The following CRPPA variants were observed in gnomAD, a reference collection of about 807,000 sequenced individuals.
CRPPA encodes the protein CDP-L-ribitol pyrophosphorylase A.
CRPPA carries 43 observed loss-of-function variants against 52.0 expected under a neutral mutation model. That is an observed-to-expected ratio of 0.83 (90% confidence interval 0.65 to 1.07). The LOEUF (loss-of-function observed/expected upper bound fraction) is 1.07. Ranked by LOEUF, CRPPA falls within the 50% of genes least tolerant of loss-of-function variation. The pLI is 0.00. For missense variants in CRPPA, 629 were observed against 551.7 expected, an observed-to-expected ratio of 1.14 and a Z score of -1.40; for synonymous variants, 250 against 203.5, an observed-to-expected ratio of 1.23 and a Z score of -1.94.
chr7:16,399,172 G>T (rs560040923), intron 2 of CRPPA, among the ~76,000 whole-genome samples: 1 of 152,358 alleles, frequency 6.6e-6, no homozygotes, highest in Admixed American at 6.5e-5. Flanking sequence ...ATGAACACGT[G>T]ACATGACACG....
In CRPPA at chr7:16,092,705, T is replaced by TCAC. The variant is rs1781860408; in HGVS notation, c.1252-907_1252-906insGTG. Among the ~76,000 whole-genome samples the TCAC allele has an allele frequency of 2.0e-5, 3 of 152,188 alleles. No individual in the cohort carries two copies. In the South Asian group the frequency reaches 6.2e-4, roughly 31 times the overall value. The stretch of plus-strand genomic sequence containing the variant: ...GGAAGTCAAAATACTTATTTTAAAA[T>TCAC]ATAGATCTGATCACATCAGTATCCT... On this transcript the variant is annotated intron_variant, in intron 9 of 9. Transcript: ENST00000407010.
chr7:16,306,737 G>T (rs1784921575), intron 4 of CRPPA, among the ~76,000 whole-genome samples: 1 of 152,116 alleles, frequency 6.6e-6, no homozygotes, highest in Admixed American at 6.5e-5. Context: ...GACCTTTAAT[G>T]AAACATCTAA....
At chr7:16,406,008 A>G (rs899884105) in intron 2 of CRPPA, 53 bp downstream of exon 2, 65 of 1,505,370 alleles carry the variant, frequency 4.3e-5, no homozygotes, top group Middle Eastern at 1.7e-4. Flanking sequence ...TCAGCAAATG[A>G]ACCACACTAC....
In CRPPA at chr7:16,398,763, G is replaced by A. The variant is rs556056637; in HGVS notation, c.534+7298C>T. 8.5e-5 allele frequency among the ~76,000 whole-genome samples: 13 copies of A among 152,260 alleles called. No individual in the cohort carries two copies. In the South Asian group the frequency reaches 1.2e-3, roughly 15 times the overall value. On this transcript the variant is annotated intron_variant, in intron 2 of 9. Transcript: ENST00000407010. ...CCAATGCCTGACATGTGACAAACACGTGATACGTGACTGACACTTGACTGA... is the reference window on the plus strand; with the variant it reads ...CCAATGCCTGACATGTGACAAACACATGATACGTGACTGACACTTGACTGA...
At chr7:16,326,773 G>T (rs1785402218) in intron 3 of CRPPA, among the ~76,000 whole-genome samples, 1 of 152,074 alleles carries the variant, frequency 6.6e-6, no homozygotes, top group African/African-American at 2.4e-5. Context: ...TTACACTAGA[G>T]ACCAAATGTT....
chr7:16,210,928 A>T (rs1782118332), intron 9 of CRPPA, among the ~76,000 whole-genome samples: 1 of 152,190 alleles, frequency 6.6e-6, no homozygotes, highest in African/African-American at 2.4e-5. Context: ...GTAGGGTGAC[A>T]ATAGTTAACA....
At chr7:16,388,868 T>C (rs1348761351) in intron 2 of CRPPA, among the ~76,000 whole-genome samples, 1 of 151,744 alleles carries the variant, frequency 6.6e-6, no homozygotes, top group East Asian at 1.9e-4. Context: ...AGAGCAAGAC[T>C]CCATCTCAAA....
intron 9 of CRPPA, among the ~76,000 whole-genome samples, chr7:16,142,680 A>C (rs1359189791): frequency 6.6e-6 from 1 of 152,194 alleles, no homozygotes; most frequent in Non-Finnish European, 1.5e-5. Flanking sequence ...TGCAACACCT[A>C]AACTGTAGTA....
At chr7:16,313,156 C>CT (rs1403047774) in intron 3 of CRPPA, among the ~76,000 whole-genome samples, 1 of 151,880 alleles carries the variant, frequency 6.6e-6, no homozygotes, top group African/African-American at 2.4e-5. Context: ...TAATTTCTTC[C>CT]TTAAAAGTTT....
chr7:16,123,538 T>A (rs1006461061), intron 9 of CRPPA, among the ~76,000 whole-genome samples: 1 of 152,150 alleles, frequency 6.6e-6, no homozygotes, highest in African/African-American at 2.4e-5. Context: ...AAAAAATAAC[T>A]ATTTTATAGC....
rs555099423 is a variant in CRPPA at position 16,163,645 on chromosome 7, G to A, written c.1251+52421C>T. Among the ~76,000 whole-genome samples, 10 of 152,276 alleles carry A rather than the reference G, an allele frequency of 6.6e-5. No individual in the cohort carries two copies. The South Asian group carries it at 2.1e-3, about 32-fold the overall frequency. On this transcript the variant is annotated intron_variant, in intron 9 of 9. Coordinates refer to ENST00000407010, the MANE Select transcript of CRPPA (RefSeq NM_001101426.4). ...TTACATTTTGGTTTGTTTGTGCAGT[G>A]GCTGGTACCAGTTTTTCCTTTCCAT... is the stretch of plus-strand genomic sequence containing the variant.
rs140590772 is a variant in CRPPA at position 16,199,496 on chromosome 7, C to T, written c.1251+16570G>A. Among the ~76,000 whole-genome samples the T allele has an allele frequency of 6.6e-3, 1,012 of 152,246 alleles. 13 individuals are homozygous for T. Among genetic ancestry groups the T allele is most frequent in the African/African-American group, 0.023 (969 of 41,546 alleles). On this transcript the variant is annotated intron_variant, in intron 9 of 9. Transcript: ENST00000407010. Reference sequence around the variant, plus strand: ...AATTAAAATATCTAACTGCTTTTCACACACTATTTAGAAGAATTCTAAGTA... The same window carrying T: ...AATTAAAATATCTAACTGCTTTTCATACACTATTTAGAAGAATTCTAAGTA...
chr7:16,408,565 T>C (rs988208539), intron 1 of CRPPA, among the ~76,000 whole-genome samples: 5 of 152,174 alleles, frequency 3.3e-5, no homozygotes, highest in African/African-American at 1.2e-4. Context: ...ATAGAAAAGC[T>C]TTAAGCAGGT....
chr7:16,122,372 A>G (rs1782496044), intron 9 of CRPPA, among the ~76,000 whole-genome samples: 1 of 152,032 alleles, frequency 6.6e-6, no homozygotes, highest in Non-Finnish European at 1.5e-5. Context: ...CACATTTCCA[A>G]TGAAAAGAAT....
At chr7:16,260,871 T>G (rs1452648054) in intron 6 of CRPPA, among the ~76,000 whole-genome samples, 1 of 152,076 alleles carries the variant, frequency 6.6e-6, no homozygotes, top group Non-Finnish European at 1.5e-5. Flanking sequence ...ATTCATGTTT[T>G]TACCACTAGC....
At chr7:16,371,432 A>G (rs920233527) in intron 3 of CRPPA, among the ~76,000 whole-genome samples, 2 of 152,126 alleles carry the variant, frequency 1.3e-5, no homozygotes, top group African/African-American at 4.8e-5. Context: ...AAGATCCTCT[A>G]TAACTCAGGA....
intron 3 of CRPPA, among the ~76,000 whole-genome samples, chr7:16,357,127 T>C (rs1302895576): frequency 6.6e-6 from 1 of 152,140 alleles, no homozygotes; most frequent in African/African-American, 2.4e-5. Context: ...GCCCCCTGTG[T>C]ACACAGTTCA....
rs1472431547 is a variant in CRPPA at position 16,403,835 on chromosome 7, T to G, written c.534+2226A>C. Among the ~76,000 whole-genome samples the G allele has an allele frequency of 2.3e-5, 3 of 132,826 alleles. No individual in the cohort carries two copies. The Admixed American group carries it at 2.3e-4, about 10-fold the overall frequency. 87.1% of individuals were successfully genotyped at this position (132,826 alleles called of 152,430 possible). A position where few individuals can be genotyped will look rare whatever the true frequency, so the allele number is the denominator to read the frequency against. On this transcript the variant is annotated intron_variant, in intron 2 of 9. Coordinates refer to ENST00000407010, the MANE Select transcript of CRPPA (RefSeq NM_001101426.4). Reference sequence around the variant, plus strand: ...TGACTAAGAGCAGACTCTTCCAGATTAGCTGAATCTAGCCTTGAGCTGCTC... The same window carrying G: ...TGACTAAGAGCAGACTCTTCCAGATGAGCTGAATCTAGCCTTGAGCTGCTC...
intron 8 of CRPPA, among the ~76,000 whole-genome samples, chr7:16,251,977 G>A (rs982784388): frequency 6.6e-6 from 1 of 151,924 alleles, no homozygotes; most frequent in Non-Finnish European, 1.5e-5. Context: ...TAGACAGACC[G>A]CTAGCCAGAC....
Sources: gnomAD v4.1 joint callset for allele counts (sites outside exome capture counted in the v4.1 genomes callset) on GRCh38, gnomAD v4.1.1 for gene constraint, MANE v1.5 for transcripts, NCBI Gene and HGNC (gene_info 2026-07-23, HGNC 2026-07-21) for gene names.